Variants in GRHL2 observed in about 807,000 individuals in gnomAD.
The protein encoded by GRHL2 is grainyhead like transcription factor 2.
In GRHL2, 21 loss-of-function variants were observed where a neutral mutation model predicts 83.8. That is an observed-to-expected ratio of 0.25 (90% CI 0.18 to 0.36). The LOEUF (loss-of-function observed/expected upper bound fraction) is 0.36. Ranked by LOEUF, GRHL2 falls within the 10% of genes least tolerant of loss-of-function variation. GRHL2 has a pLI of 1.00. For synonymous variants in GRHL2, 280 were observed against 278.9 expected (o/e 1.00, Z -0.04); for missense variants, 623 against 781.8 (o/e 0.80, Z 2.42).
rs2130230967 is a variant in GRHL2 at position 101,573,692 on chromosome 8, A to G, written c.759A>G (p.Glu253=). 2 of 1,614,218 alleles carry G rather than the reference A, an allele frequency of 1.2e-6. No individual in the cohort carries two copies. Among genetic ancestry groups the G allele is most frequent in the East Asian group, 2.2e-5 (1 of 44,890 alleles). The change falls in exon 6 of 16, where the codon GAA becomes GAG. Residue 253 remains glutamate (E), a synonymous_variant. Coordinates refer to ENST00000646743, the MANE Select transcript of GRHL2 (RefSeq NM_024915.4). ...TSSGTFQYTL[E]ATKSLRQKQG... The stretch of plus-strand genomic sequence containing the variant: ...GTGGCACATTTCAGTACACCCTGGA[A>G]GCCACCAAATCTCTCCGTCAGAAGC...
chr8:101,503,575 A>G (rs1270861865), intron 1 of GRHL2, among the ~76,000 whole-genome samples: 38 of 152,244 alleles, frequency 2.5e-4, no homozygotes, highest in Admixed American at 2.4e-3. Flanking sequence ...GGGTCTACCC[A>G]TTGATAACTA....
chr8:101,628,358 C>G (rs1343390979), intron 9 of GRHL2, among the ~76,000 whole-genome samples: 1 of 151,968 alleles, frequency 6.6e-6, no homozygotes, highest in Non-Finnish European at 1.5e-5. Context: ...GCCTGGATGA[C>G]AGCTTATGTG....
intron 13 of GRHL2, among the ~76,000 whole-genome samples, chr8:101,647,369 A>C (rs1288346255): frequency 6.6e-6 from 1 of 151,674 alleles, no homozygotes; most frequent in East Asian, 1.9e-4. Flanking sequence ...TCTCAAAGAA[A>C]AAGAATATAG....
At chr8:101,629,295 TCA>T (rs1270976398) in intron 9 of GRHL2, among the ~76,000 whole-genome samples, 2 of 145,598 alleles carry the variant, frequency 1.4e-5, no homozygotes, top group Non-Finnish European at 3.0e-5. Context: ...TGCTAAAGCC[TCA>T]GTGTGTATTT....
At chr8:101,593,448 T>G (rs977968540) in intron 7 of GRHL2, among the ~76,000 whole-genome samples, 1 of 152,184 alleles carries the variant, frequency 6.6e-6, no homozygotes, top group Admixed American at 6.5e-5. Context: ...CCATTTGAAA[T>G]TCAATATGTT....
chr8:101,588,074 G>C (rs974451997), intron 7 of GRHL2, among the ~76,000 whole-genome samples: 1 of 152,148 alleles, frequency 6.6e-6, no homozygotes, highest in East Asian at 1.9e-4. Flanking sequence ...ACCACCACTA[G>C]TTTCTCTGCT....
chr8:101,503,821 G>T (rs926371642), intron 1 of GRHL2, among the ~76,000 whole-genome samples: 1 of 152,030 alleles, frequency 6.6e-6, no homozygotes, highest in Admixed American at 6.6e-5. Context: ...AATGTTTATA[G>T]GCATAAAAAG....
intron 14 of GRHL2, among the ~76,000 whole-genome samples, chr8:101,657,730 C>T (rs1563630428): frequency 6.6e-6 from 1 of 151,716 alleles, no homozygotes; most frequent in Non-Finnish European, 1.5e-5. Context: ...GTCCCAGCTA[C>T]TCAGGAGGCT....
intron 1 of GRHL2, among the ~76,000 whole-genome samples, chr8:101,533,324 C>T (rs1320840314): frequency 6.6e-6 from 1 of 152,094 alleles, no homozygotes; most frequent in Non-Finnish European, 1.5e-5. Context: ...TTTATGAAAA[C>T]CTGAAGAATG....
At chr8:101,548,978 T>G (rs1171186430) in intron 2 of GRHL2, among the ~76,000 whole-genome samples, 1 of 152,216 alleles carries the variant, frequency 6.6e-6, no homozygotes, top group Non-Finnish European at 1.5e-5. Flanking sequence ...GATCAATTGA[T>G]TCTTTCAATA....
intron 4 of GRHL2, among the ~76,000 whole-genome samples, chr8:101,560,063 T>G (rs987348769): frequency 6.6e-6 from 1 of 152,190 alleles, no homozygotes; most frequent in African/African-American, 2.4e-5. Flanking sequence ...TGGAGTGCAG[T>G]GGTGAGATCT....
Position 101,601,175 on chromosome 8 carries a change from CA to C in GRHL2, c.1098+2025del, listed in dbSNP as rs201631357. 1.9e-4 allele frequency among the ~76,000 whole-genome samples: 28 copies of C among 151,300 alleles called. No individual in the cohort carries two copies. In the South Asian group the frequency reaches 3.2e-3, roughly 17 times the overall value. ...ACTGTCTTAAACACACACACACACA[CA>C]CACACACACACACCCCACCACCACC... On this transcript the variant is annotated intron_variant, in intron 8 of 15. Coordinates refer to ENST00000646743, the MANE Select transcript of GRHL2 (RefSeq NM_024915.4).
chr8:101,619,077 C>A (rs1812911493), intron 8 of GRHL2, among the ~76,000 whole-genome samples: 1 of 152,042 alleles, frequency 6.6e-6, no homozygotes, highest in Admixed American at 6.5e-5. Context: ...CACAGTGAAA[C>A]CCTGTCTCTA....
At chr8:101,597,021 G>A (rs891955094) in intron 7 of GRHL2, among the ~76,000 whole-genome samples, 10 of 152,320 alleles carry the variant, frequency 6.6e-5, no homozygotes, top group South Asian at 2.1e-4. Flanking sequence ...ACTTAAAAGC[G>A]GTAGAAGAAG....
At chr8:101,592,353 T>C (rs1222914975) in intron 7 of GRHL2, among the ~76,000 whole-genome samples, 4 of 152,174 alleles carry the variant, frequency 2.6e-5, no homozygotes, top group Non-Finnish European at 5.9e-5. Flanking sequence ...TCCACCTGCC[T>C]TGGCCTCCCA....
chr8:101,653,756 A>G (rs1741285098), intron 14 of GRHL2, among the ~76,000 whole-genome samples: 1 of 152,000 alleles, frequency 6.6e-6, no homozygotes, highest in African/African-American at 2.4e-5. Flanking sequence ...AACAAAAACA[A>G]AAACAAAGAT....
intron 4 of GRHL2, among the ~76,000 whole-genome samples, chr8:101,560,271 C>T (rs546543042): frequency 4.1e-4 from 63 of 152,258 alleles, no homozygotes; most frequent in African/African-American, 1.4e-3. Flanking sequence ...TCAGGTGATC[C>T]GCCTGCTTCG....
chr8:101,636,768 G>T, intron 11 of GRHL2, 129 bp from the exon 12 acceptor site: 2 of 606,194 alleles, frequency 3.3e-6, no homozygotes. Flanking sequence ...CACACACACT[G>T]TTATTAAACA....
intron 8 of GRHL2, among the ~76,000 whole-genome samples, chr8:101,617,827 C>T (rs1183497676): frequency 1.3e-5 from 2 of 152,096 alleles, no homozygotes; most frequent in Non-Finnish European, 2.9e-5. Context: ...ACATGCAGTC[C>T]GTTTCTCATG....
Sources: gnomAD v4.1 joint callset for allele counts (sites outside exome capture counted in the v4.1 genomes callset) on GRCh38, gnomAD v4.1.1 for gene constraint, MANE v1.5 for transcripts, NCBI Gene and HGNC (gene_info 2026-07-23, HGNC 2026-07-21) for gene names.